TAAR5: variants seen among roughly 807,000 people sequenced by gnomAD.
TAAR5 encodes the protein trace amine-associated receptor 5.
In TAAR5, 27 loss-of-function variants were observed where a neutral mutation model predicts 21.1. The observed-to-expected ratio is 1.28, with a 90% CI of 0.94 to 1.76. The LOEUF (loss-of-function observed/expected upper bound fraction) is 1.76, where lower values mean the gene tolerates loss of function less well. TAAR5 is among the 40% of genes most tolerant of loss of function. The pLI is 0.00. For missense variants in TAAR5, 495 were observed against 405.6 expected (o/e 1.22, Z -1.89); for synonymous variants, 203 against 167.5 (o/e 1.21, Z -1.64).
chr6:132,589,453 C>T lies in TAAR5; in HGVS notation c.234G>A (p.Leu78=). The change falls in exon 1 of 1, where the codon CTG becomes CTA. Residue 78 remains leucine, a synonymous_variant. Coordinates refer to ENST00000258034, the MANE Select transcript of TAAR5 (RefSeq NM_003967.3). ...CCAGCAGACCCAGAAACATGTCAGCCAGGGCCAGGGAGAGCAGCAGGAAGT... is the reference window on the plus strand; with the variant it reads ...CCAGCAGACCCAGAAACATGTCAGCTAGGGCCAGGGAGAGCAGCAGGAAGT... ...PTNFLLLSLA[L]ADMFLGLLVL... is the part of the protein sequence containing the mutation. 6.2e-7 allele frequency: 1 copy of T among 1,613,854 alleles called. No homozygotes were observed. Among genetic ancestry groups the T allele is most frequent in the Non-Finnish European group, 8.5e-7 (1 of 1,179,838 alleles).
the TAAR5 span, among the ~76,000 whole-genome samples, chr6:132,603,302 C>CAA: frequency 0.014 from 1,373 of 99,172 alleles, 22 homozygotes; most frequent in African/African-American, 0.043. Flanking sequence ...GACCCTATCT[C>CAA]AAAAAAAAAA....
In TAAR5 at chr6:132,589,379, C is replaced by T; in HGVS notation, c.308G>A (p.Gly103Glu). ...GGTGTGCAGGCGGCAGAGGAAGTCC[C>T]CGAAGAACCAGCAGCTCTCCACTGA... ...IRSVESCWFF[G>E]DFLCRLHTYL... is the part of the protein sequence containing the mutation. Residue 103 changes from glycine (G) to glutamate (E), a missense_variant, in exon 1 of 1, where the codon GGG becomes GAG. Physicochemically the swap from Gly to Glu is moderately conservative, Grantham distance 98 (BLOSUM62 -2). Coordinates refer to ENST00000258034, the MANE Select transcript of TAAR5 (RefSeq NM_003967.3). 1.2e-6 allele frequency: 2 copies of T among 1,614,006 alleles called. No homozygotes were observed. Among genetic ancestry groups the T allele is most frequent in the Non-Finnish European group, 1.7e-6 (2 of 1,179,976 alleles).
chr6:132,605,752 C>A, the TAAR5 span, among the ~76,000 whole-genome samples: 4 of 152,138 alleles, frequency 2.6e-5, no homozygotes, highest in Non-Finnish European at 5.9e-5. Context: ...TGCACATGTA[C>A]CCCCTGAATC....
chr6:132,602,673 A>C, the TAAR5 span, among the ~76,000 whole-genome samples: 1 of 151,428 alleles, frequency 6.6e-6, no homozygotes, highest in Non-Finnish European at 1.5e-5. Flanking sequence ...GGTCTAAAGG[A>C]CCCTTATCTT....
the TAAR5 span, among the ~76,000 whole-genome samples, chr6:132,603,765 A>T: frequency 3.3e-5 from 5 of 152,160 alleles, no homozygotes; most frequent in Non-Finnish European, 7.4e-5. Flanking sequence ...CTGTATTTGT[A>T]AGTAAGTCAT....
the TAAR5 span, chr6:132,595,370 A>C: frequency 6.6e-6 from 1 of 152,444 alleles, no homozygotes; most frequent in Admixed American, 6.5e-5. Flanking sequence ...TTTCTAGGGC[A>C]TGAATTGTTA....
chr6:132,596,660 GT>G, the TAAR5 span, among the ~76,000 whole-genome samples: 2 of 151,580 alleles, frequency 1.3e-5, no homozygotes, highest in African/African-American at 2.4e-5. Flanking sequence ...ATTTTTTAGG[GT>G]TTTTTTTAAA....
the TAAR5 span, chr6:132,608,315 A>G: frequency 6.6e-6 from 3 of 454,946 alleles, no homozygotes; most frequent in Admixed American, 2.4e-5. Flanking sequence ...GACACTATGT[A>G]CTTGAATGCT....
upstream of TAAR5, chr6:132,589,742 CAAAAAAAAAAAAAAAAAAAAAAA>C (rs567338856): frequency 1.8e-5 from 1 of 56,472 alleles, no homozygotes; most frequent in Non-Finnish European, 3.4e-5. Flanking sequence ...CACTGGAGGG[CAAAAAAAAAAAAAAAAAAAAAAA>C]AAAAAAAAAA....
At chr6:132,593,479 G>T (rs1337819000), upstream of TAAR5, among the ~76,000 whole-genome samples, 1 of 152,166 alleles carries the variant, frequency 6.6e-6, no homozygotes, top group African/African-American at 2.4e-5. Flanking sequence ...CTGAGATAAT[G>T]GTTACTCTGC....
the TAAR5 span, among the ~76,000 whole-genome samples, chr6:132,616,217 C>A: frequency 6.6e-6 from 1 of 152,054 alleles, no homozygotes; most frequent in Non-Finnish European, 1.5e-5. Context: ...GAGCTTAAAC[C>A]AACACATCAC....
chr6:132,589,627 C>T lies in TAAR5; in HGVS notation c.60G>A (p.Val20=), dbSNP rs1212731426. ...EEHPAAFCYQ[V]NGSCPRTVHT... is the part of the protein sequence containing the mutation. ...GTACTGTCCTGGGGCAAGACCCATT[C>T]ACCTGGTAGCAGAATGCCGCAGGGT... The change falls in exon 1 of 1, where the codon GTG becomes GTA. Residue 20 remains valine (V), a synonymous_variant. Transcript: ENST00000258034. 1 of 1,613,292 alleles carries T rather than the reference C, an allele frequency of 6.2e-7. No individual in the cohort carries two copies. Among genetic ancestry groups the T allele is most frequent in the African/African-American group, 1.3e-5 (1 of 74,910 alleles).
At chr6:132,614,431 A>G in the TAAR5 span, among the ~76,000 whole-genome samples, 4 of 152,254 alleles carry the variant, frequency 2.6e-5, no homozygotes, top group Non-Finnish European at 5.9e-5. Flanking sequence ...GTTAAAAACT[A>G]TCTTCTCAAT....
upstream of TAAR5, chr6:132,594,706 A>C (rs1167771865): frequency 1.3e-5 from 2 of 151,964 alleles, no homozygotes; most frequent in East Asian, 3.9e-4. Flanking sequence ...TTGCTTTCTG[A>C]CCCAGCCTGT....
At position 132,588,732 on chromosome 6, in the gene TAAR5, T is replaced by G. The variant is rs778388413; in HGVS notation, c.955A>C (p.Thr319Pro). 6.2e-7 allele frequency: 1 copy of G among 1,614,034 alleles called. No individual in the cohort carries two copies. Among genetic ancestry groups the G allele is most frequent in the Non-Finnish European group, 8.5e-7 (1 of 1,179,988 alleles). The change falls in exon 1 of 1, where the codon ACA becomes CCA. Residue 319 changes from threonine (T) to proline (P), a missense_variant. Transcript: ENST00000258034. ...GGTGAGAAGACCTTCTGGCTCAGTG[T>G]GAGTTTCAGTGCCTTCCGAAACCAC... ...YQWFRKALKL[T>P]LSQKVFSPQT...
the TAAR5 span, among the ~76,000 whole-genome samples, chr6:132,601,118 A>G: frequency 2.0e-5 from 3 of 146,658 alleles, no homozygotes; most frequent in African/African-American, 7.6e-5. Context: ...GAAGGGAAGG[A>G]GGGAAGGAGG....
chr6:132,594,992 C>T, the TAAR5 span: 1 of 152,176 alleles, frequency 6.6e-6, no homozygotes, highest in African/African-American at 2.4e-5. Flanking sequence ...AGTTCTATGA[C>T]AGGGATGGTA....
At chr6:132,613,820 G>A in the TAAR5 span, among the ~76,000 whole-genome samples, 1 of 152,146 alleles carries the variant, frequency 6.6e-6, no homozygotes. Context: ...TGAGCATAGA[G>A]GCAAGCATTT....
At chr6:132,614,082 CA>C in the TAAR5 span, among the ~76,000 whole-genome samples, 1 of 152,150 alleles carries the variant, frequency 6.6e-6, no homozygotes, top group East Asian at 1.9e-4. Context: ...TATATTAACT[CA>C]AATTACATGT....
Sources: gnomAD v4.1 joint callset for allele counts (sites outside exome capture counted in the v4.1 genomes callset) on GRCh38, gnomAD v4.1.1 for gene constraint, MANE v1.5 for transcripts, NCBI Gene and HGNC (gene_info 2026-07-23, HGNC 2026-07-21) for gene names.